The following ZBTB17 variants were observed in gnomAD, a reference collection of about 807,000 sequenced individuals.
ZBTB17 encodes the protein zinc finger and BTB domain-containing protein 17.
Under a neutral mutation model 85.1 loss-of-function variants are expected in ZBTB17, and 24 were observed. That is an observed-to-expected ratio of 0.28 (90% CI 0.20 to 0.40). The LOEUF is 0.40. Among genes scored for constraint, ZBTB17 ranks in the 10% least tolerant of loss-of-function variants. The pLI is 1.00. For synonymous variants in ZBTB17, 464 were observed against 460.2 expected, an observed-to-expected ratio of 1.01 and a Z score of -0.11; for missense variants, 743 against 1,105.1, an observed-to-expected ratio of 0.67 and a Z score of 4.65.
chr1:15,969,312 A>G (rs1274033907), intron 2 of ZBTB17, among the ~76,000 whole-genome samples: 1 of 152,184 alleles, frequency 6.6e-6, no homozygotes, highest in East Asian at 1.9e-4. Context: ...ATTTCATTAT[A>G]TATTACAATG....
In ZBTB17 at chr1:15,941,896, T is replaced by G; in HGVS notation, c.*73A>C. On this transcript the variant is annotated 3_prime_UTR_variant, in exon 16 of 16. Transcript: ENST00000375743. ...AGAAAATAATCCAATTTATTCTCTC[T>G]AGGGAACAGGCCACCCTTCCCGGTT... The G allele has an allele frequency of 2.0e-6, 3 of 1,524,518 alleles. No individual in the cohort carries two copies. The South Asian group carries it at 3.7e-5, about 19-fold the overall frequency. The allele number at this position is 1,524,518 out of a possible 1,614,324, so 94.4% of individuals were successfully genotyped here. A position where few individuals can be genotyped will look rare whatever the true frequency, so the allele number is the denominator to read the frequency against.
Position 15,961,058 on chromosome 1 carries a change from G to A in ZBTB17, c.-3+11981C>T, listed in dbSNP as rs139061828. Among the ~76,000 whole-genome samples the A allele has an allele frequency of 3.7e-3, 557 of 151,808 alleles. 1 individual carries two copies. The highest frequency in any genetic ancestry group is 9.2e-3 in the South Asian group (44 of 4,792). On this transcript the variant is annotated intron_variant, in intron 2 of 15. Coordinates refer to ENST00000375743, the MANE Select transcript of ZBTB17 (RefSeq NM_003443.3). ...AAGCCCACAAGGTCAACGCTGCAGT[G>A]AGCAGTGATTGCACCACTGCACTCC... is the stretch of plus-strand genomic sequence containing the variant.
Position 15,943,630 on chromosome 1 carries a change from G to A in ZBTB17, c.1545C>T (p.Gly515=), listed in dbSNP as rs1255921533. 20 of 1,612,826 alleles carry A rather than the reference G, an allele frequency of 1.2e-5. No homozygotes were observed. The highest frequency in any genetic ancestry group is 2.7e-5 in the African/African-American group (2 of 74,932). ...GAATGCGGACGTGCCGCTGCAGAGC[G>A]CCGGGGTCTGCAAACTGTCGCTGGC... ...IHCQRQFADP[G]ALQRHVRIHT... is the part of the protein sequence containing the mutation. The change falls in exon 11 of 16, where the codon GGC becomes GGT. Residue 515 remains glycine, a synonymous_variant. Coordinates refer to ENST00000375743, the MANE Select transcript of ZBTB17 (RefSeq NM_003443.3).
chr1:15,943,221 A>C, intron 12 of ZBTB17, 27 bp from the exon 13 acceptor site: 1 of 1,614,088 alleles, frequency 6.2e-7, no homozygotes, highest in Non-Finnish European at 8.5e-7. Flanking sequence ...AGGGACTCGC[A>C]TGGAACTGCC....
At chr1:15,948,584 A>AC (rs1478984837) in intron 2 of ZBTB17, 87 bp from the exon 3 acceptor site, 13 of 1,360,806 alleles carry the variant, frequency 9.6e-6, no homozygotes, top group Non-Finnish European at 1.3e-5. Context: ...CCAGGCGAGC[A>AC]CCATGGAGAA....
At chr1:15,974,261 C>G (rs565813661) in intron 1 of ZBTB17, among the ~76,000 whole-genome samples, 1 of 150,674 alleles carries the variant, frequency 6.6e-6, no homozygotes, top group South Asian at 2.1e-4. Flanking sequence ...TAAAAGAATC[C>G]TCCCACCTCA....
At chr1:15,971,399 T>A (rs1435660176) in intron 2 of ZBTB17, among the ~76,000 whole-genome samples, 1 of 142,482 alleles carries the variant, frequency 7.0e-6, no homozygotes, top group African/African-American at 2.7e-5. Context: ...ATATACACAC[T>A]ATATATATAC....
chr1:15,953,571 C>T lies in ZBTB17; in HGVS notation c.-2-5074G>A, dbSNP rs1227254431. Among the ~76,000 whole-genome samples the T allele has an allele frequency of 1.3e-5, 2 of 152,220 alleles. No homozygotes were observed. Among genetic ancestry groups the T allele is most frequent in the African/African-American group, 4.8e-5 (2 of 41,454 alleles). On this transcript the variant is annotated intron_variant, in intron 2 of 15. Coordinates refer to ENST00000375743, the MANE Select transcript of ZBTB17 (RefSeq NM_003443.3). The surrounding 1 kb of genome is among the most constrained non-coding windows in gnomAD (Gnocchi z 5.1). ...GCATCTGTCTTGCAGTCCCAAAGCA[C>T]CACAGACTGCTGAGTAAGCCAGGTT...
At chr1:15,947,786 A>G (rs1176403761) in intron 3 of ZBTB17, among the ~76,000 whole-genome samples, 1 of 152,190 alleles carries the variant, frequency 6.6e-6, no homozygotes, top group Non-Finnish European at 1.5e-5. Flanking sequence ...CCACATCTAT[A>G]AAATGGGAGA....
Position 15,964,955 on chromosome 1 carries a change from TA to T in ZBTB17, c.-3+8083del, listed in dbSNP as rs891798660. Among the ~76,000 whole-genome samples the T allele has an allele frequency of 7.4e-5, 11 of 149,208 alleles. No homozygotes were observed. The highest frequency in any genetic ancestry group is 2.0e-4 in the African/African-American group (8 of 40,582). ...ATGCTGAAACCCCGTCTACTAAAAA[TA>T]AAAAAAAATTAGCCAGGCGTGGTGG... On this transcript the variant is annotated intron_variant, in intron 2 of 15. Transcript: ENST00000375743. This position sits in a 1 kb window ranked among gnomAD's most constrained non-coding sequence, Gnocchi z 4.3.
At chr1:15,962,878 C>T (rs1171872525) in intron 2 of ZBTB17, among the ~76,000 whole-genome samples, 1 of 152,120 alleles carries the variant, frequency 6.6e-6, no homozygotes, top group Non-Finnish European at 1.5e-5. Flanking sequence ...GAGTTCAAGG[C>T]TGTAGTGAGC....
rs930304231 is a variant in ZBTB17 at position 15,942,210 on chromosome 1, T to G, written c.2171A>C (p.Asp724Ala). The change falls in exon 16 of 16, where the codon GAC becomes GCC. Residue 724 changes from aspartate (D) to alanine (A), a missense_variant. By Grantham distance (126) the Asp-to-Ala change is moderately radical. Transcript: ENST00000375743. ...HILYACDSCG[D>A]KFLDANSLAQ... ...CAGGCTGTTGGCATCCAGAAACTTG[T>G]CCCCACAGGAGTCACAGGCGTAGAG... The G allele has an allele frequency of 6.2e-7, 1 of 1,613,744 alleles. No individual in the cohort carries two copies. Among genetic ancestry groups the G allele is most frequent in the Non-Finnish European group, 8.5e-7 (1 of 1,180,040 alleles).
intron 10 of ZBTB17, 37 bp from the exon 11 acceptor site, chr1:15,943,752 C>T (rs954764547): frequency 6.2e-7 from 1 of 1,612,764 alleles, no homozygotes; most frequent in Non-Finnish European, 8.5e-7. Flanking sequence ...GCGTGGGGCA[C>T]CACCGGTGGC....
rs2071534792 is a variant in ZBTB17, at chr1:15,945,012, G to T, written c.852C>A (p.Ala284=). Residue 284 remains alanine (A), a synonymous_variant, in exon 7 of 16, where the codon GCC becomes GCA. Coordinates refer to ENST00000375743, the MANE Select transcript of ZBTB17 (RefSeq NM_003443.3). ...CGTAGGTGCCTGAGCGCAGGCCCCG[G>T]GCCTCGGAGCCGAGCTCCTGCCCCG... The part of the protein sequence containing the change: ...TDSGQELGSE[A]RGLRSGTYGD... 1 of 1,599,710 alleles carries T rather than the reference G, an allele frequency of 6.3e-7. No homozygotes were observed. The highest frequency in any genetic ancestry group is 1.3e-5 in the African/African-American group (1 of 74,766).
intron 2 of ZBTB17, chr1:15,969,709 T>C: frequency 2.1e-6 from 1 of 479,562 alleles, no homozygotes; most frequent in Non-Finnish European, 4.1e-6. Flanking sequence ...CAACCCAGAC[T>C]GGCTCAACAC....
At chr1:15,970,250 G>C in intron 2 of ZBTB17, 1 of 424,354 alleles carries the variant, frequency 2.4e-6, no homozygotes, top group Non-Finnish European at 4.3e-6. Context: ...AGGGTGAGGA[G>C]GACAAAGGCG....
intron 3 of ZBTB17, 113 bp from the exon 4 acceptor site, chr1:15,947,236 A>G (rs2071646871): frequency 9.0e-6 from 10 of 1,117,056 alleles, no homozygotes; most frequent in Non-Finnish European, 2.5e-6. Context: ...GCTGAGTGGC[A>G]AGCCTGCATC....
intron 9 of ZBTB17, 162 bp downstream of exon 9, chr1:15,944,138 C>T: frequency 8.5e-7 from 1 of 1,176,930 alleles, no homozygotes; most frequent in East Asian, 2.5e-5. Flanking sequence ...ACCGGGAGCT[C>T]CCCCGCGGAA....
intron 2 of ZBTB17, among the ~76,000 whole-genome samples, chr1:15,956,171 C>T (rs988164764): frequency 3.3e-5 from 5 of 152,224 alleles, no homozygotes; most frequent in Admixed American, 2.0e-4. Flanking sequence ...GGCACACACA[C>T]CCATCAGCCA....
Sources: gnomAD v4.1 joint callset for allele counts (sites outside exome capture counted in the v4.1 genomes callset) on GRCh38, gnomAD v4.1.1 for gene constraint, Gnocchi (gnomAD v3.1) non-coding constraint, MANE v1.5 for transcripts, NCBI Gene and HGNC (gene_info 2026-07-23, HGNC 2026-07-21) for gene names.